Variants in NCOA1 observed in about 807,000 individuals in gnomAD.
NCOA1 encodes Hin-2 protein.
NCOA1 carries 35 observed loss-of-function variants against 150.9 expected under a neutral mutation model. The ratio of observed to expected loss-of-function variants is 0.23; its 90% CI spans 0.18 to 0.31. NCOA1 has a LOEUF of 0.31. NCOA1 is among the 10% of genes least tolerant of loss of function. NCOA1 has a pLI of 1.00. For synonymous variants in NCOA1, 590 were observed against 630.0 expected (o/e 0.94, Z 0.95); for missense variants, 1,491 against 1,749.3 (o/e 0.85, Z 2.63).
chr2:24,679,464 G>T (rs1415666667), intron 7 of NCOA1, among the ~76,000 whole-genome samples: 2 of 152,050 alleles, frequency 1.3e-5, no homozygotes, highest in Non-Finnish European at 2.9e-5. Context: ...TGGAATTCTG[G>T]CAGGTCTTCC....
At chr2:24,639,906 ATGTG>A (rs1187967345) in intron 3 of NCOA1, among the ~76,000 whole-genome samples, 771 of 19,658 alleles carry the variant, frequency 0.039, 129 homozygotes, top group Non-Finnish European at 0.072. Flanking sequence ...AAAAAAAAGT[ATGTG>A]TGTGTGTATA....
At chr2:24,550,201 A>T (rs921435086) in intron 1 of NCOA1, among the ~76,000 whole-genome samples, 9 of 152,174 alleles carry the variant, frequency 5.9e-5, no homozygotes, top group Non-Finnish European at 1.3e-4. Context: ...ACTTCAAACC[A>T]TTCCAGCCTC....
intron 11 of NCOA1, among the ~76,000 whole-genome samples, chr2:24,699,208 G>A (rs537950025): frequency 3.3e-5 from 5 of 152,246 alleles, no homozygotes; most frequent in African/African-American, 1.2e-4. Flanking sequence ...TGAAGTTCTC[G>A]AGTTTATGGT....
chr2:24,709,279 G>A (rs1673616119), intron 13 of NCOA1, among the ~76,000 whole-genome samples: 1 of 152,174 alleles, frequency 6.6e-6, no homozygotes, highest in African/African-American at 2.4e-5. Context: ...AGGATAATAA[G>A]ATATGCATAT....
At chr2:24,598,799 AC>A (rs1296447459) in intron 3 of NCOA1, among the ~76,000 whole-genome samples, 2 of 152,126 alleles carry the variant, frequency 1.3e-5, no homozygotes, top group African/African-American at 4.8e-5. Context: ...TTCAAGGGGC[AC>A]ATGTGCAGTT....
At chr2:24,511,706 G>A (rs1427348346) in intron 1 of NCOA1, among the ~76,000 whole-genome samples, 1 of 150,138 alleles carries the variant, frequency 6.7e-6, no homozygotes, top group Non-Finnish European at 1.5e-5. Context: ...ATTCTTTGAG[G>A]GACAAACATT....
chr2:24,596,696 A>G (rs56256365), intron 3 of NCOA1, among the ~76,000 whole-genome samples: 6,444 of 152,250 alleles, frequency 0.042, 206 homozygotes, highest in African/African-American at 0.092. Flanking sequence ...AAATTAATTG[A>G]GAGTATTCTT....
chr2:24,576,176 T>TGTTG (rs1666971897), intron 2 of NCOA1, among the ~76,000 whole-genome samples: 1 of 107,796 alleles, frequency 9.3e-6, no homozygotes, highest in Non-Finnish European at 1.9e-5. Context: ...TTTTGTTTTT[T>TGTTG]TTTTTTTTTT....
intron 1 of NCOA1, among the ~76,000 whole-genome samples, chr2:24,498,563 A>G (rs1441871289): frequency 6.6e-6 from 1 of 152,176 alleles, no homozygotes; most frequent in African/African-American, 2.4e-5. Flanking sequence ...AGGGCAGGGG[A>G]TGATTTCTTT....
At chr2:24,508,980 C>A (rs1182086792) in intron 1 of NCOA1, among the ~76,000 whole-genome samples, 2 of 152,130 alleles carry the variant, frequency 1.3e-5, no homozygotes, top group African/African-American at 4.8e-5. Context: ...CTGCTTTGTA[C>A]AAATAGGACT....
At chr2:24,509,271 C>T (rs1478961381) in intron 1 of NCOA1, among the ~76,000 whole-genome samples, 1 of 152,186 alleles carries the variant, frequency 6.6e-6, no homozygotes, top group East Asian at 1.9e-4. Flanking sequence ...TCCAAGGCCA[C>T]ATTGCTAAGA....
chr2:24,757,784 T>C (rs1664572654), intron 20 of NCOA1, among the ~76,000 whole-genome samples, 189 bp from the exon 21 acceptor site: 1 of 152,190 alleles, frequency 6.6e-6, no homozygotes, highest in Non-Finnish European at 1.5e-5. Context: ...TGAGCTCTTT[T>C]CAGTTATTTA....
intron 8 of NCOA1, among the ~76,000 whole-genome samples, chr2:24,689,222 T>C (rs1672549283): frequency 6.6e-6 from 1 of 152,222 alleles, no homozygotes; most frequent in Admixed American, 6.5e-5. Flanking sequence ...TGGTTCCATA[T>C]GAATTTTGAA....
rs191077590 is a variant in NCOA1, at chr2:24,763,707, G to A, written c.4155+931G>A. Among the ~76,000 whole-genome samples the A allele has an allele frequency of 4.2e-3, 567 of 133,542 alleles. 1 individual carries two copies. Among genetic ancestry groups the A allele is most frequent in the Admixed American group, 8.3e-3 (101 of 12,136 alleles). 87.6% of individuals were successfully genotyped at this position (133,542 alleles called of 152,430 possible). A position where few individuals can be genotyped will look rare whatever the true frequency, so the allele number is the denominator to read the frequency against. On this transcript the variant is annotated intron_variant, in intron 22 of 22. Transcript: ENST00000348332. ...GTGATCTTGGCTCACTGCAACCTGC[G>A]CCCCCTGGGTTCAAGCGATTCTCCT...
chr2:24,763,819 G>A (rs1044983325), intron 22 of NCOA1, among the ~76,000 whole-genome samples: 9 of 151,502 alleles, frequency 5.9e-5, no homozygotes, highest in Non-Finnish European at 1.0e-4. Context: ...ACAGGTTTTC[G>A]CCATTTTGAC....
chr2:24,656,556 A>G (rs1001744053), intron 4 of NCOA1, among the ~76,000 whole-genome samples: 1 of 152,216 alleles, frequency 6.6e-6, no homozygotes, highest in Non-Finnish European at 1.5e-5. Context: ...ATAGAACACT[A>G]GAACTAATTT....
intron 3 of NCOA1, among the ~76,000 whole-genome samples, chr2:24,601,226 T>G (rs1668099689): frequency 6.6e-6 from 1 of 152,154 alleles, no homozygotes; most frequent in Non-Finnish European, 1.5e-5. Flanking sequence ...TTTTTTTGTT[T>G]GTTTTTGATA....
chr2:24,735,370 C>T (rs1209244698), intron 17 of NCOA1, among the ~76,000 whole-genome samples: 1 of 152,102 alleles, frequency 6.6e-6, no homozygotes, highest in Non-Finnish European at 1.5e-5. Context: ...CCTCTCCTTC[C>T]CTCTTCCCAA....
intron 13 of NCOA1, among the ~76,000 whole-genome samples, chr2:24,708,269 G>A (rs531308013): frequency 9.2e-5 from 14 of 152,280 alleles, no homozygotes; most frequent in African/African-American, 3.4e-4. Context: ...TAAATGAAGT[G>A]GGAGAGAAAT....
Sources: allele counts gnomAD v4.1 joint callset (sites outside exome capture counted in the v4.1 genomes callset), GRCh38; gene constraint gnomAD v4.1.1; transcripts MANE v1.5; gene names NCBI Gene and HGNC (gene_info 2026-07-23, HGNC 2026-07-21).